Variants in PTPRR observed in about 807,000 individuals in gnomAD.
The protein encoded by PTPRR is protein tyrosine phosphatase receptor type R, also known as receptor-type tyrosine-protein phosphatase R.
PTPRR carries 38 observed loss-of-function variants against 77.2 expected under a neutral mutation model. That is an observed-to-expected ratio of 0.49 (90% CI 0.38 to 0.65). The LOEUF (loss-of-function observed/expected upper bound fraction) is 0.65, where lower values mean the gene tolerates loss of function less well. Among genes scored for constraint, PTPRR ranks in the 30% least tolerant of loss-of-function variants. PTPRR has a pLI of 0.00. For synonymous variants in PTPRR, 299 were observed against 283.1 expected (o/e 1.06, Z -0.57); for missense variants, 744 against 799.2 (o/e 0.93, Z 0.83).
chr12:70,795,299 A>G (rs1287398007), intron 2 of PTPRR, among the ~76,000 whole-genome samples: 1 of 152,206 alleles, frequency 6.6e-6, no homozygotes, highest in East Asian at 1.9e-4. Context: ...TTCTAAATAT[A>G]ACTGTAATAT....
intron 2 of PTPRR, among the ~76,000 whole-genome samples, chr12:70,875,319 G>T (rs1893032346): frequency 6.6e-6 from 1 of 152,142 alleles, no homozygotes; most frequent in Non-Finnish European, 1.5e-5. Flanking sequence ...ATATTTTTGT[G>T]TGATTGTGCA....
At chr12:70,672,620 C>A in intron 10 of PTPRR, 1 of 1,502,936 alleles carries the variant, frequency 6.7e-7, no homozygotes, top group Non-Finnish European at 9.1e-7. Context: ...ATCTTAAAGA[C>A]CTGCTGCCAA....
intron 2 of PTPRR, among the ~76,000 whole-genome samples, chr12:70,846,936 G>A (rs1892494819): frequency 6.6e-6 from 1 of 151,992 alleles, no homozygotes; most frequent in Non-Finnish European, 1.5e-5. Context: ...AACTGAAATT[G>A]CTTATGGGTA....
At chr12:70,813,442 C>T (rs2137032843) in intron 2 of PTPRR, among the ~76,000 whole-genome samples, 1 of 152,298 alleles carries the variant, frequency 6.6e-6, no homozygotes, top group East Asian at 1.9e-4. Context: ...CCTTTGAAAT[C>T]ATATATTCAT....
chr12:70,740,257 G>A (rs1890003695), intron 6 of PTPRR, among the ~76,000 whole-genome samples: 1 of 152,118 alleles, frequency 6.6e-6, no homozygotes, highest in South Asian at 2.1e-4. Context: ...TGGGTCCAAG[G>A]TGATGATTAC....
At chr12:70,817,810 A>T (rs1891931947) in intron 2 of PTPRR, among the ~76,000 whole-genome samples, 1 of 152,184 alleles carries the variant, frequency 6.6e-6, no homozygotes, top group Non-Finnish European at 1.5e-5. Context: ...ATAACTTAAG[A>T]TGTCACTCAG....
At chr12:70,806,690 T>C (rs945002098) in intron 2 of PTPRR, among the ~76,000 whole-genome samples, 8 of 152,328 alleles carry the variant, frequency 5.3e-5, no homozygotes, top group East Asian at 1.9e-4. Flanking sequence ...CCATTTTTAC[T>C]CCTATTGCCT....
At chr12:70,759,862 T>C (rs57770397) in intron 4 of PTPRR, among the ~76,000 whole-genome samples, 1,540 of 152,148 alleles carry the variant, frequency 0.01, 27 homozygotes, top group African/African-American at 0.035. Context: ...AAGGACCATA[T>C]ACCATATTAA....
At chr12:70,804,141 G>C (rs1027926260) in intron 2 of PTPRR, among the ~76,000 whole-genome samples, 2 of 129,756 alleles carry the variant, frequency 1.5e-5, no homozygotes, top group African/African-American at 6.7e-5. Context: ...TCCTGGCTCT[G>C]TGTGTGTGTG....
At chr12:70,778,247 C>T (rs947082837) in intron 2 of PTPRR, among the ~76,000 whole-genome samples, 5 of 152,082 alleles carry the variant, frequency 3.3e-5, no homozygotes, top group African/African-American at 1.2e-4. Flanking sequence ...TTTTCCAATG[C>T]CTTCTGGCAT....
chr12:70,897,351 A>G (rs1565734595), intron 1 of PTPRR, among the ~76,000 whole-genome samples: 2 of 152,222 alleles, frequency 1.3e-5, no homozygotes, highest in African/African-American at 2.4e-5. Flanking sequence ...AAAGGATATG[A>G]ACAGACACTT....
intron 13 of PTPRR, among the ~76,000 whole-genome samples, chr12:70,652,924 A>G (rs929834378): frequency 1.3e-5 from 2 of 152,180 alleles, no homozygotes; most frequent in African/African-American, 4.8e-5. Flanking sequence ...GTGAGCAGGC[A>G]AGAATTAATG....
At chr12:70,765,303 A>AC (rs1890790313) in intron 2 of PTPRR, among the ~76,000 whole-genome samples, 2 of 152,276 alleles carry the variant, frequency 1.3e-5, no homozygotes, top group South Asian at 4.1e-4. Context: ...GGTCACTCCC[A>AC]CCCCAATACT....
rs148553467 is a variant in PTPRR at position 70,826,191 on chromosome 12, A to C, written c.358-61413T>G. Among the ~76,000 whole-genome samples the C allele has an allele frequency of 4.1e-3, 618 of 152,330 alleles. 4 individuals carry two copies. The highest frequency in any genetic ancestry group is 0.014 in the Middle Eastern group (4 of 294). On this transcript the variant is annotated intron_variant, in intron 2 of 13. Transcript: ENST00000283228. ...GAAATATCAGTGTTATCAAAATCCT[A>C]GATTATTACTGAGAAGAAAGCTGAA...
At chr12:70,681,423 A>G (rs1007008379) in intron 10 of PTPRR, among the ~76,000 whole-genome samples, 5 of 152,232 alleles carry the variant, frequency 3.3e-5, no homozygotes, top group Non-Finnish European at 7.3e-5. Flanking sequence ...ATTCTCAGCA[A>G]CAAAGAGTGC....
intron 10 of PTPRR, among the ~76,000 whole-genome samples, chr12:70,670,406 A>G (rs1245627845): frequency 6.6e-6 from 1 of 152,200 alleles, no homozygotes; most frequent in Non-Finnish European, 1.5e-5. Flanking sequence ...CCATCAACTC[A>G]CTAACTTTGA....
intron 2 of PTPRR, among the ~76,000 whole-genome samples, chr12:70,805,389 T>G (rs1420176842): frequency 4.0e-5 from 6 of 151,866 alleles, no homozygotes; most frequent in Admixed American, 1.3e-4. Context: ...CAGGCTGGAG[T>G]AGAGTGGTGT....
intron 2 of PTPRR, among the ~76,000 whole-genome samples, chr12:70,825,495 C>T (rs942279130): frequency 6.6e-6 from 1 of 152,106 alleles, no homozygotes; most frequent in Admixed American, 6.5e-5. Context: ...AGCCCTCTAC[C>T]ACCCAAAATG....
intron 2 of PTPRR, among the ~76,000 whole-genome samples, chr12:70,836,811 C>T (rs1892312099): frequency 1.3e-5 from 2 of 151,890 alleles, no homozygotes; most frequent in Admixed American, 6.6e-5. Flanking sequence ...ACTGTTTTCC[C>T]CAGTTATATG....
Sources: allele counts gnomAD v4.1 joint callset (sites outside exome capture counted in the v4.1 genomes callset), GRCh38; gene constraint gnomAD v4.1.1; transcripts MANE v1.5; gene names NCBI Gene and HGNC (gene_info 2026-07-23, HGNC 2026-07-21).